The following EFCAB5 variants were observed in gnomAD, a reference collection of about 807,000 sequenced individuals.
The protein encoded by EFCAB5 is EF-hand calcium-binding domain-containing protein 5.
Under a neutral mutation model 167.9 loss-of-function variants are expected in EFCAB5, and 131 were observed. The observed-to-expected ratio is 0.78, with a 90% confidence interval of 0.68 to 0.90. EFCAB5 has a LOEUF of 0.90. Ranked by LOEUF, EFCAB5 falls within the 40% of genes least tolerant of loss-of-function variation. EFCAB5 has a pLI of 0.00. For synonymous variants in EFCAB5, 574 were observed against 602.8 expected, an observed-to-expected ratio of 0.95 and a Z score of 0.70; for missense variants, 1,663 against 1,745.2, an observed-to-expected ratio of 0.95 and a Z score of 0.84.
chr17:29,982,113 A>G (rs575586795), intron 4 of EFCAB5, among the ~76,000 whole-genome samples: 2 of 152,312 alleles, frequency 1.3e-5, no homozygotes, highest in Admixed American at 6.5e-5. Context: ...TGGGACTAAT[A>G]TGGACATACT....
At chr17:29,947,635 T>C (rs1010711432) in intron 3 of EFCAB5, among the ~76,000 whole-genome samples, 3 of 152,150 alleles carry the variant, frequency 2.0e-5, no homozygotes, top group African/African-American at 7.2e-5. Context: ...TTAGTACTGT[T>C]TTCACAGCTT....
chr17:29,931,376 A>G (rs990107477), intron 1 of EFCAB5, among the ~76,000 whole-genome samples: 1 of 152,172 alleles, frequency 6.6e-6, no homozygotes, highest in Non-Finnish European at 1.5e-5. Flanking sequence ...GTTAAACGCC[A>G]CAAGAGTCCT....
At chr17:30,029,360 T>C (rs373790274) in intron 7 of EFCAB5, among the ~76,000 whole-genome samples, 1 of 152,316 alleles carries the variant, frequency 6.6e-6, no homozygotes, top group South Asian at 2.1e-4. Flanking sequence ...CAAAATCATC[T>C]AACAAAAAGC....
At chr17:29,959,364 C>A (rs959255005) in intron 3 of EFCAB5, among the ~76,000 whole-genome samples, 1 of 152,004 alleles carries the variant, frequency 6.6e-6, no homozygotes, top group Non-Finnish European at 1.5e-5. Flanking sequence ...AGTTGCAAGA[C>A]AATATGCTTT....
intron 7 of EFCAB5, among the ~76,000 whole-genome samples, chr17:30,003,987 G>C (rs148541723): frequency 5.3e-5 from 8 of 152,260 alleles, no homozygotes; most frequent in African/African-American, 1.9e-4. Flanking sequence ...CACATTGAAG[G>C]GTGAAGATGG....
chr17:30,073,020 A>T, intron 14 of EFCAB5: 2 of 546,132 alleles, frequency 3.7e-6, no homozygotes, highest in Middle Eastern at 5.4e-4. Context: ...TTCACTCTGC[A>T]CTCTGGCTCC....
chr17:30,107,776 T>G lies in EFCAB5; in HGVS notation c.4322-58T>G, dbSNP rs2071467533. ...TAATCATAATATTAGAACTTATAAT[T>G]TTAATAGTAAAGTGCAAAACTCTCC... On this transcript the variant is annotated intron_variant, in intron 22 of 22. Coordinates refer to ENST00000394835, the MANE Select transcript of EFCAB5 (RefSeq NM_198529.4). The G allele has an allele frequency of 3.0e-6, 4 of 1,355,204 alleles. No homozygotes were observed. In the East Asian group the frequency reaches 1.1e-4, roughly 39 times the overall value. 83.9% of individuals were successfully genotyped at this position (1,355,204 alleles called of 1,614,324 possible). A position where few individuals can be genotyped will look rare whatever the true frequency, so the allele number is the denominator to read the frequency against.
chr17:30,097,817 A>G (rs555731240), intron 22 of EFCAB5, among the ~76,000 whole-genome samples: 2 of 152,190 alleles, frequency 1.3e-5, no homozygotes, highest in East Asian at 3.9e-4. Context: ...CTTCTTGATA[A>G]TTCCCACCCC....
At chr17:30,085,776 T>C (rs560469296) in intron 18 of EFCAB5, among the ~76,000 whole-genome samples, 20 of 150,582 alleles carry the variant, frequency 1.3e-4, no homozygotes, top group Admixed American at 1.3e-3. Context: ...AAGCTAGAAG[T>C]CCAATCGTCA....
chr17:29,969,077 G>A lies in EFCAB5; in HGVS notation c.477G>A (p.Glu159=). 6.2e-7 allele frequency: 1 copy of A among 1,612,478 alleles called. No individual in the cohort carries two copies. Among genetic ancestry groups the A allele is most frequent in the East Asian group, 2.2e-5 (1 of 44,870 alleles). Residue 159 remains glutamate, a synonymous_variant, in exon 4 of 23, where the codon GAG becomes GAA. Transcript: ENST00000394835. ...TCCCTAGGGATAATTTGGCCAAAGA[G>A]TGGTTTAATACTGACAGCATGACAC... The part of the protein sequence containing the change: ...KKLPRDNLAK[E]WFNTDSMTLN...
Position 30,053,445 on chromosome 17 carries a change from A to G in EFCAB5, c.1491A>G (p.Arg497=), listed in dbSNP as rs2070158225. ...ATCAACCTAAACTTAACGAACAGAG[A>G]ACATCAACACCATCACCAAACCCGC... ...SPDQPKLNEQ[R]TSTPSPNPPE... is the part of the protein sequence containing the mutation. Residue 497 remains arginine, a synonymous_variant, in exon 10 of 23, where the codon AGA becomes AGG. Coordinates refer to ENST00000394835, the MANE Select transcript of EFCAB5 (RefSeq NM_198529.4). The G allele has an allele frequency of 2.5e-6, 4 of 1,613,920 alleles. No individual in the cohort carries two copies. Among genetic ancestry groups the G allele is most frequent in the Non-Finnish European group, 3.4e-6 (4 of 1,179,910 alleles).
intron 8 of EFCAB5, among the ~76,000 whole-genome samples, chr17:30,049,257 G>A (rs960250568): frequency 2.0e-5 from 3 of 151,998 alleles, no homozygotes; most frequent in African/African-American, 7.3e-5. Flanking sequence ...TGAGGTGGGC[G>A]GATCACGAGG....
chr17:30,000,324 T>C (rs1214933795), intron 7 of EFCAB5, among the ~76,000 whole-genome samples: 5 of 152,188 alleles, frequency 3.3e-5, no homozygotes, highest in African/African-American at 1.2e-4. Flanking sequence ...ATGAACTTGG[T>C]TAACCCTCTC....
intron 4 of EFCAB5, among the ~76,000 whole-genome samples, chr17:29,971,781 C>A (rs955876872): frequency 6.6e-6 from 1 of 152,078 alleles, no homozygotes; most frequent in Admixed American, 6.6e-5. Context: ...CAGAATATTT[C>A]TTTCCTTTTA....
In EFCAB5 at chr17:29,945,286, GA is replaced by G. The variant is rs200422945; in HGVS notation, c.190+1638del. Among the ~76,000 whole-genome samples, 149 of 150,766 alleles carry G rather than the reference GA, an allele frequency of 9.9e-4. No individual in the cohort carries two copies. In the East Asian group the frequency reaches 0.024, roughly 24 times the overall value. On this transcript the variant is annotated intron_variant, in intron 3 of 22. Transcript: ENST00000394835. ...TTTCTAAACTATAAATTGATATATA[GA>G]TGTTAGTTGTAATTTTTAGGTGCTG...
intron 22 of EFCAB5, among the ~76,000 whole-genome samples, chr17:30,099,620 T>A (rs1204132288): frequency 2.0e-5 from 3 of 152,200 alleles, no homozygotes. Context: ...TGGCTGGGCT[T>A]TTTCAATTGT....
intron 14 of EFCAB5, among the ~76,000 whole-genome samples, chr17:30,067,270 A>T (rs149532026): frequency 6.6e-6 from 1 of 152,288 alleles, no homozygotes; most frequent in East Asian, 1.9e-4. Flanking sequence ...TTCTCAACAA[A>T]ATTCTAGCAA....
chr17:30,060,248 T>A (rs894856783), intron 14 of EFCAB5, among the ~76,000 whole-genome samples: 5 of 151,390 alleles, frequency 3.3e-5, no homozygotes, highest in African/African-American at 1.2e-4. Flanking sequence ...AAAAAAAAGG[T>A]TAAAAGGATT....
chr17:30,088,274 T>G (rs536900324), intron 19 of EFCAB5, among the ~76,000 whole-genome samples: 52 of 152,262 alleles, frequency 3.4e-4, no homozygotes, highest in African/African-American at 1.2e-3. Flanking sequence ...ACGTATTTGC[T>G]AAGCCCAGCT....
Sources: allele counts gnomAD v4.1 joint callset (sites outside exome capture counted in the v4.1 genomes callset), GRCh38; gene constraint gnomAD v4.1.1; transcripts MANE v1.5; gene names NCBI Gene and HGNC (gene_info 2026-07-23, HGNC 2026-07-21).